Variants in CCDC152 observed in about 807,000 individuals in gnomAD.
CCDC152 encodes coiled-coil domain containing 152.
In CCDC152, 37 loss-of-function variants were observed where a neutral mutation model predicts 38.1. The observed-to-expected ratio is 0.97, with a 90% CI of 0.75 to 1.28. The LOEUF (loss-of-function observed/expected upper bound fraction) is 1.28, where lower values mean the gene tolerates loss of function less well. Ranked by LOEUF, CCDC152 falls within the 50% of genes most tolerant of loss-of-function variation. The pLI is 0.00. For synonymous variants in CCDC152, 83 were observed against 87.1 expected, an observed-to-expected ratio of 0.95 and a Z score of 0.26; for missense variants, 259 against 292.1, an observed-to-expected ratio of 0.89 and a Z score of 0.83.
intron 1 of CCDC152, among the ~76,000 whole-genome samples, chr5:42,757,702 A>G (rs1281792657): frequency 2.0e-5 from 3 of 152,244 alleles, no homozygotes; most frequent in East Asian, 3.8e-4. Flanking sequence ...GGCAAAAGGG[A>G]TATCATGCAA....
At position 42,759,277 on chromosome 5, in the gene CCDC152, T is replaced by C. The variant is rs1759519433; in HGVS notation, c.87+69T>C. 2.0e-5 allele frequency: 18 copies of C among 906,602 alleles called. No homozygotes were observed. In the South Asian group the frequency reaches 3.3e-4, roughly 17 times the overall value. The allele number at this position is 906,602 out of a possible 1,614,324, so 56.2% of individuals were successfully genotyped here. On this transcript the variant is annotated intron_variant, in intron 2 of 8. Transcript: ENST00000361970. ...GAACAGATTTTGCCAAGGGAAGAAG[T>C]TGGGAAGAAAGAAAAATATACCAAA...
rs1760134745 is a variant in CCDC152 at position 42,799,647 on chromosome 5, T to G, written c.643-12T>G. ...TTCTGAATTCTAATAACAAATTTTT[T>G]GTTTCGTTTAGAAACTTCAGCATTT... On this transcript the variant is annotated splice_polypyrimidine_tract_variant and intron_variant, in intron 8 of 8. Transcript: ENST00000361970. 1 of 1,526,922 alleles carries G rather than the reference T, an allele frequency of 6.5e-7. No homozygotes were observed. Among genetic ancestry groups the G allele is most frequent in the Admixed American group, 2.1e-5 (1 of 46,996 alleles). 94.6% of individuals were successfully genotyped at this position (1,526,922 alleles called of 1,614,324 possible).
rs1020410825 is a variant in CCDC152, at chr5:42,802,109, A to C, written c.*2328A>C. 2 of 152,164 alleles carry C rather than the reference A, an allele frequency of 1.3e-5. No individual in the cohort carries two copies. The highest frequency in any genetic ancestry group is 2.9e-5 in the Non-Finnish European group (2 of 68,030). 9.4% of individuals were successfully genotyped at this position (152,164 alleles called of 1,614,324 possible). On this transcript the variant is annotated 3_prime_UTR_variant, in exon 9 of 9. Coordinates refer to ENST00000361970, the MANE Select transcript of CCDC152 (RefSeq NM_001134848.2). ...CATCCTATGCCAGGAAATGTTTTGA[A>C]CTTCACCAAAGCTTTGCTAATGTCT...
intron 5 of CCDC152, 110 bp downstream of exon 5, chr5:42,779,632 G>T (rs929914730): frequency 9.8e-6 from 6 of 610,834 alleles, no homozygotes; most frequent in Non-Finnish European, 1.7e-5. Flanking sequence ...AATGTTTGTG[G>T]GTGTGTGTGT....
intron 5 of CCDC152, among the ~76,000 whole-genome samples, chr5:42,782,034 A>G (rs1759854056): frequency 6.6e-6 from 1 of 152,176 alleles, no homozygotes; most frequent in African/African-American, 2.4e-5. Flanking sequence ...TTAGCATAAT[A>G]AATCACCCCT....
In CCDC152 at chr5:42,801,401, G is replaced by A. The variant is rs1424527413; in HGVS notation, c.*1620G>A. ...AGGAATAATGCGTGAAAAATGATTTGTAGAGCTAACATGTGAAATTCCAAC... is the reference window on the plus strand; with the variant it reads ...AGGAATAATGCGTGAAAAATGATTTATAGAGCTAACATGTGAAATTCCAAC... On this transcript the variant is annotated 3_prime_UTR_variant, in exon 9 of 9. Transcript: ENST00000361970. 50 of 1,188,104 alleles carry A rather than the reference G, an allele frequency of 4.2e-5. No individual in the cohort carries two copies. Among genetic ancestry groups the A allele is most frequent in the African/African-American group, 6.1e-5 (4 of 65,390 alleles). 73.6% of individuals were successfully genotyped at this position (1,188,104 alleles called of 1,614,324 possible).
At position 42,801,411 on chromosome 5, in the gene CCDC152, C is replaced by T; in HGVS notation, c.*1630C>T. 1 of 1,087,370 alleles carries T rather than the reference C, an allele frequency of 9.2e-7. No homozygotes were observed. The highest frequency in any genetic ancestry group is 1.3e-6 in the Non-Finnish European group (1 of 758,494). 67.4% of individuals were successfully genotyped at this position (1,087,370 alleles called of 1,614,324 possible). On this transcript the variant is annotated 3_prime_UTR_variant, in exon 9 of 9. Transcript: ENST00000361970. ...CGTGAAAAATGATTTGTAGAGCTAA[C>T]ATGTGAAATTCCAACTAGTTAATTA...
chr5:42,770,547 A>G (rs1234668968), intron 4 of CCDC152, among the ~76,000 whole-genome samples: 1 of 151,750 alleles, frequency 6.6e-6, no homozygotes, highest in Non-Finnish European at 1.5e-5. Flanking sequence ...TAGCTCTATA[A>G]TATATTTTGA....
At chr5:42,793,579 A>G (rs921561147) in intron 6 of CCDC152, among the ~76,000 whole-genome samples, 12 of 152,202 alleles carry the variant, frequency 7.9e-5, no homozygotes, top group Non-Finnish European at 1.8e-4. Flanking sequence ...TCTGATTAAT[A>G]TAATCAAAGA....
rs530166514 is a variant in CCDC152, at chr5:42,799,721, C to T, written c.705C>T (p.Arg235=). The T allele has an allele frequency of 9.0e-6, 14 of 1,550,964 alleles. No homozygotes were observed. The highest frequency in any genetic ancestry group is 2.7e-5 in the African/African-American group (2 of 73,100). ...KEIAILRNTI[R]DLEQRLSVGK... ...TTGCAATTCTTCGTAATACCATTCG[C>T]GATTTAGAGCAACGCCTTTCTGTTG... The change falls in exon 9 of 9, where the codon CGC becomes CGT. Residue 235 remains arginine (R), a synonymous_variant. Coordinates refer to ENST00000361970, the MANE Select transcript of CCDC152 (RefSeq NM_001134848.2).
chr5:42,771,099 C>G (rs538421075), intron 4 of CCDC152, among the ~76,000 whole-genome samples: 8 of 152,220 alleles, frequency 5.3e-5, no homozygotes, highest in Non-Finnish European at 7.4e-5. Flanking sequence ...ATGTCTTTCT[C>G]TTTCCTAATT....
At chr5:42,767,386 G>C (rs187897361) in intron 3 of CCDC152, among the ~76,000 whole-genome samples, 1 of 152,024 alleles carries the variant, frequency 6.6e-6, no homozygotes, top group African/African-American at 2.4e-5. Context: ...TGCAACTATT[G>C]TATGAAATAC....
At position 42,799,704 on chromosome 5, in the gene CCDC152, C is replaced by G. The variant is rs1189762922; in HGVS notation, c.688C>G (p.Leu230Val). The stretch of plus-strand genomic sequence containing the variant: ...AGAAAAAAACAAGGAGATTGCAATT[C>G]TTCGTAATACCATTCGCGATTTAGA... Reference protein sequence around the residue: ...QEEKNKEIAILRNTIRDLEQR... With the variant: ...QEEKNKEIAIVRNTIRDLEQR... Residue 230 changes from leucine (L) to valine (V), a missense_variant, in exon 9 of 9, where the codon CTT (leucine) becomes GTT (valine). Physicochemically the swap from Leu to Val is conservative, Grantham distance 32. Transcript: ENST00000361970. 2.6e-6 allele frequency: 4 copies of G among 1,549,812 alleles called. No individual in the cohort carries two copies. In the African/African-American group the frequency reaches 5.5e-5, roughly 21 times the overall value.
intron 1 of CCDC152, 54 bp from the exon 2 acceptor site, chr5:42,759,066 G>A: frequency 1.6e-6 from 2 of 1,240,108 alleles, no homozygotes; most frequent in South Asian, 1.4e-5. Context: ...CACTATTGTG[G>A]TGCTTTAGAT....
intron 2 of CCDC152, among the ~76,000 whole-genome samples, chr5:42,761,782 T>C (rs1759557149): frequency 1.3e-5 from 2 of 152,260 alleles, no homozygotes; most frequent in Non-Finnish European, 2.9e-5. Context: ...TAAGGAATTG[T>C]TAACCATGGG....
intron 6 of CCDC152, among the ~76,000 whole-genome samples, chr5:42,791,403 C>T (rs752431447): frequency 5.3e-5 from 8 of 152,188 alleles, no homozygotes; most frequent in Non-Finnish European, 1.0e-4. Context: ...ATAAACCTAG[C>T]TCTATGGCAA....
intron 6 of CCDC152, among the ~76,000 whole-genome samples, chr5:42,788,256 C>T (rs1328938920): frequency 6.6e-6 from 1 of 150,792 alleles, no homozygotes; most frequent in Admixed American, 6.6e-5. Flanking sequence ...AAAAGAGGAC[C>T]TCAGTTTCTT....
intron 3 of CCDC152, among the ~76,000 whole-genome samples, chr5:42,769,319 T>C (rs1759667810): frequency 6.6e-6 from 1 of 151,894 alleles, no homozygotes; most frequent in African/African-American, 2.4e-5. Flanking sequence ...ATTAATATCT[T>C]GTAATTTCAA....
intron 6 of CCDC152, among the ~76,000 whole-genome samples, chr5:42,788,692 TC>T (rs1759958002): frequency 6.6e-6 from 1 of 152,248 alleles, no homozygotes; most frequent in Admixed American, 6.5e-5. Flanking sequence ...TTATCAAATA[TC>T]CATCTGCAAG....
Sources: allele counts gnomAD v4.1 joint callset (sites outside exome capture counted in the v4.1 genomes callset), GRCh38; gene constraint gnomAD v4.1.1; transcripts MANE v1.5; gene names NCBI Gene and HGNC (gene_info 2026-07-23, HGNC 2026-07-21).